The following GULP1 variants were observed in gnomAD, a reference collection of about 807,000 sequenced individuals.
GULP1 encodes PTB domain-containing engulfment adapter protein 1.
Under a neutral mutation model 40.9 loss-of-function variants are expected in GULP1, and 19 were observed. That is an observed-to-expected ratio of 0.46 (90% CI 0.32 to 0.68). The LOEUF is 0.68. Among genes scored for constraint, GULP1 ranks in the 30% least tolerant of loss-of-function variants. The pLI, the probability that GULP1 is intolerant of heterozygous loss-of-function variation, is 0.03. For synonymous variants in GULP1, 119 were observed against 117.6 expected, an observed-to-expected ratio of 1.01 and a Z score of -0.08; for missense variants, 312 against 362.2, an observed-to-expected ratio of 0.86 and a Z score of 1.12.
chr2:188,484,491 C>T (rs991232566), intron 4 of GULP1, among the ~76,000 whole-genome samples: 6 of 152,030 alleles, frequency 3.9e-5, no homozygotes, highest in Admixed American at 1.3e-4. Flanking sequence ...GAAATATTAG[C>T]GTCAAATTTA....
Position 188,539,010 on chromosome 2 carries a change from G to C in GULP1, c.262-2171G>C, listed in dbSNP as rs148010807. 6.7e-5 allele frequency among the ~76,000 whole-genome samples: 10 copies of C among 149,998 alleles called. No homozygotes were observed. The East Asian group carries it at 1.9e-3, about 29-fold the overall frequency. Reference sequence around the variant, plus strand: ...TAGAATCTTTATTTTTTTTTCACTTGGATGAATGAAAATGGAAAGTGAAAA... The same window carrying C: ...TAGAATCTTTATTTTTTTTTCACTTCGATGAATGAAAATGGAAAGTGAAAA... On this transcript the variant is annotated intron_variant, in intron 6 of 11. Coordinates refer to ENST00000409830, the MANE Select transcript of GULP1 (RefSeq NM_016315.4).
chr2:188,415,463 A>G lies in GULP1; in HGVS notation c.-45+31574A>G, dbSNP rs758549712. ...GGGGGTTAGTTTTTTGAAGACCCCC[A>G]TATAATTTGGAGAGTGTGCCACTTA... On this transcript the variant is annotated intron_variant, in intron 2 of 11. Coordinates refer to ENST00000409830, the MANE Select transcript of GULP1 (RefSeq NM_016315.4). Among the ~76,000 whole-genome samples the G allele has an allele frequency of 5.3e-5, 8 of 152,118 alleles. 1 individual carries two copies. Among genetic ancestry groups the G allele is most frequent in the Non-Finnish European group, 1.2e-4 (8 of 68,012 alleles).
rs879579451 is a variant in GULP1 at position 188,389,956 on chromosome 2, C to CT, written c.-45+6079dup. Among the ~76,000 whole-genome samples the CT allele has an allele frequency of 8.7e-4, 127 of 145,612 alleles. 2 individuals carry two copies. The highest frequency in any genetic ancestry group is 2.4e-3 in the African/African-American group (94 of 39,852). On this transcript the variant is annotated intron_variant, in intron 2 of 11. Transcript: ENST00000409830. ...TTGCTGCAAAAGACATTATTTCATC[C>CT]TTTTTTTTTTTTAAATGGCTGAGTA...
intron 2 of GULP1, among the ~76,000 whole-genome samples, chr2:188,454,652 G>C (rs1045508596): frequency 6.6e-6 from 1 of 152,198 alleles, no homozygotes; most frequent in African/African-American, 2.4e-5. Context: ...AATTGGATAA[G>C]AGGACTTACT....
At chr2:188,425,254 A>G (rs1329917785) in intron 2 of GULP1, among the ~76,000 whole-genome samples, 1 of 152,142 alleles carries the variant, frequency 6.6e-6, no homozygotes, top group Non-Finnish European at 1.5e-5. Flanking sequence ...TTTATTTTCT[A>G]GCATTGTTTA....
chr2:188,348,743 CTT>C (rs1282667392), intron 1 of GULP1, among the ~76,000 whole-genome samples: 2 of 152,150 alleles, frequency 1.3e-5, no homozygotes, highest in African/African-American at 4.8e-5. Context: ...GTGGTAACAT[CTT>C]ACCTGACTGT....
intron 2 of GULP1, among the ~76,000 whole-genome samples, chr2:188,390,087 C>T (rs575165198): frequency 2.6e-5 from 4 of 152,038 alleles, no homozygotes; most frequent in Admixed American, 1.3e-4. Context: ...AAAAAACATA[C>T]GCATGCAGGT....
chr2:188,541,137 A>G, intron 6 of GULP1, 44 bp from the exon 7 acceptor site: 3 of 1,560,176 alleles, frequency 1.9e-6, no homozygotes, highest in Non-Finnish European at 2.6e-6. Flanking sequence ...AGAAAATGAA[A>G]AAAGAATCCC....
chr2:188,527,201 G>A (rs1686386966), intron 5 of GULP1, among the ~76,000 whole-genome samples: 1 of 152,124 alleles, frequency 6.6e-6, no homozygotes, highest in South Asian at 2.1e-4. Context: ...TGTTGTAGAT[G>A]TTTCAGGGGG....
intron 2 of GULP1, among the ~76,000 whole-genome samples, chr2:188,410,613 A>C (rs1440642779): frequency 6.6e-6 from 1 of 152,202 alleles, no homozygotes; most frequent in Non-Finnish European, 1.5e-5. Context: ...ATGACTAATC[A>C]TGAGGAAAAT....
chr2:188,388,822 C>T (rs1297152589), intron 2 of GULP1, among the ~76,000 whole-genome samples: 1 of 152,086 alleles, frequency 6.6e-6, no homozygotes, highest in African/African-American at 2.4e-5. Context: ...ACCATGAAAG[C>T]ACAAGAGAAT....
At chr2:188,446,176 T>G (rs1443420403) in intron 2 of GULP1, among the ~76,000 whole-genome samples, 1 of 152,144 alleles carries the variant, frequency 6.6e-6, no homozygotes, top group Non-Finnish European at 1.5e-5. Context: ...AATGAGATAT[T>G]CTTCTACCTG....
chr2:188,409,265 A>G (rs2152702604), intron 2 of GULP1, among the ~76,000 whole-genome samples: 1 of 152,298 alleles, frequency 6.6e-6, no homozygotes, highest in South Asian at 2.1e-4. Flanking sequence ...CAGAAATGAA[A>G]GAGGAGAAAC....
intron 2 of GULP1, among the ~76,000 whole-genome samples, chr2:188,446,386 C>T (rs961634527): frequency 1.1e-4 from 17 of 152,098 alleles, no homozygotes; most frequent in African/African-American, 4.1e-4. Flanking sequence ...TAATAAGACC[C>T]TATTATGCAA....
At chr2:188,366,062 C>T (rs1218412116) in intron 1 of GULP1, among the ~76,000 whole-genome samples, 1 of 152,074 alleles carries the variant, frequency 6.6e-6, no homozygotes, top group African/African-American at 2.4e-5. Context: ...AACTGAGGGG[C>T]ATCCCTCAGG....
At chr2:188,388,898 C>G (rs2050150093) in intron 2 of GULP1, among the ~76,000 whole-genome samples, 1 of 152,118 alleles carries the variant, frequency 6.6e-6, no homozygotes, top group Admixed American at 6.6e-5. Context: ...TACCAGTAGC[C>G]TAGGTTTCCC....
intron 2 of GULP1, among the ~76,000 whole-genome samples, chr2:188,443,888 ATT>A (rs1382128586): frequency 1.3e-5 from 2 of 152,286 alleles, no homozygotes; most frequent in East Asian, 3.9e-4. Context: ...GAATTTAAAT[ATT>A]TCAATTAAGA....
chr2:188,582,061 TA>T (rs1393286882), intron 9 of GULP1, among the ~76,000 whole-genome samples: 1 of 152,082 alleles, frequency 6.6e-6, no homozygotes. Context: ...TTCTCTCCAT[TA>T]CCTTCCTCTT....
intron 2 of GULP1, among the ~76,000 whole-genome samples, chr2:188,415,491 C>G (rs897948619): frequency 6.6e-6 from 1 of 151,262 alleles, no homozygotes; most frequent in Non-Finnish European, 1.5e-5. Flanking sequence ...GCCACTTACT[C>G]TGCGCCTTAG....
Sources: allele counts gnomAD v4.1 joint callset (sites outside exome capture counted in the v4.1 genomes callset), GRCh38; gene constraint gnomAD v4.1.1; transcripts MANE v1.5; gene names NCBI Gene and HGNC (gene_info 2026-07-23, HGNC 2026-07-21).